Variants in SAMD12 observed in about 807,000 individuals in gnomAD.
SAMD12 encodes sterile alpha motif domain containing 12.
Under a neutral mutation model 15.0 loss-of-function variants are expected in SAMD12, and 9 were observed. That is an observed-to-expected ratio of 0.60 (90% confidence interval 0.36 to 1.05). The LOEUF (loss-of-function observed/expected upper bound fraction) is 1.05, where lower values mean the gene tolerates loss of function less well. Among genes scored for constraint, SAMD12 ranks in the 50% least tolerant of loss-of-function variants. SAMD12 has a pLI of 0.01. For synonymous variants in SAMD12, 86 were observed against 90.1 expected, an observed-to-expected ratio of 0.96 and a Z score of 0.25; for missense variants, 230 against 234.2, an observed-to-expected ratio of 0.98 and a Z score of 0.12.
chr8:118,238,074 G>A (rs1353917269), intron 4 of SAMD12, among the ~76,000 whole-genome samples: 7 of 152,002 alleles, frequency 4.6e-5, no homozygotes, highest in South Asian at 2.1e-4. Flanking sequence ...GAAAGCACAA[G>A]AGCTCTCTAA....
At chr8:118,252,596 C>T (rs897502009) in intron 4 of SAMD12, among the ~76,000 whole-genome samples, 4 of 152,060 alleles carry the variant, frequency 2.6e-5, no homozygotes, top group Non-Finnish European at 4.4e-5. Context: ...TCTCCTCTTG[C>T]TTTTCCCAGT....
chr8:118,291,068 A>G (rs1392170441), intron 4 of SAMD12: 1 of 152,244 alleles, frequency 6.6e-6, no homozygotes, highest in African/African-American at 2.4e-5. Flanking sequence ...TTATATTTCA[A>G]TTTAATTGTG....
chr8:118,548,423 A>ACC (rs1554583432), intron 2 of SAMD12, among the ~76,000 whole-genome samples: 31 of 125,360 alleles, frequency 2.5e-4, no homozygotes, highest in African/African-American at 6.2e-4. Context: ...ACACACACAC[A>ACC]CCCCATGTGA....
intron 2 of SAMD12, among the ~76,000 whole-genome samples, chr8:118,570,148 C>T (rs1040763679): frequency 6.6e-6 from 1 of 152,130 alleles, no homozygotes; most frequent in African/African-American, 2.4e-5. Flanking sequence ...AGAGCCACAC[C>T]ATCTGAAATC....
At chr8:118,439,655 G>A (rs1822673965) in intron 3 of SAMD12, among the ~76,000 whole-genome samples, 177 bp downstream of exon 3, 1 of 152,000 alleles carries the variant, frequency 6.6e-6, no homozygotes, top group Admixed American at 6.6e-5. Flanking sequence ...TAATAACCAT[G>A]TATGTTTGTT....
In SAMD12 at chr8:118,341,976, C is replaced by A. The variant is rs1014139130; in HGVS notation, c.433+37584G>T. On this transcript the variant is annotated intron_variant, in intron 4 of 4. Coordinates refer to the SAMD12 transcript ENST00000409003. Reference sequence around the variant, plus strand: ...CATTGTGTACTCTCTGCTTAAAGCACTAAACAAAATTCCTATGAAAAAGTT... The same window carrying A: ...CATTGTGTACTCTCTGCTTAAAGCAATAAACAAAATTCCTATGAAAAAGTT... Among the ~76,000 whole-genome samples the A allele has an allele frequency of 9.2e-5, 14 of 152,330 alleles. No individual in the cohort carries two copies. The East Asian group carries it at 2.3e-3, about 25-fold the overall frequency.
intron 2 of SAMD12, among the ~76,000 whole-genome samples, chr8:118,445,791 C>T (rs1234038941): frequency 6.6e-6 from 1 of 152,090 alleles, no homozygotes; most frequent in African/African-American, 2.4e-5. Flanking sequence ...AGTATAAGAG[C>T]CCCTAAAGAC....
At chr8:118,541,957 G>T (rs185776532) in intron 2 of SAMD12, among the ~76,000 whole-genome samples, 42 of 152,250 alleles carry the variant, frequency 2.8e-4, no homozygotes, top group Non-Finnish European at 1.0e-4. Context: ...GAGTAGCTGG[G>T]ATTACAGATG....
intron 1 of SAMD12, among the ~76,000 whole-genome samples, chr8:118,613,417 C>CA (rs1029188519): frequency 7.2e-5 from 11 of 151,990 alleles, no homozygotes; most frequent in African/African-American, 2.2e-4. Context: ...ATTCTTAGAA[C>CA]AAAAAAATCC....
the SAMD12 span, among the ~76,000 whole-genome samples, chr8:118,160,480 G>T: frequency 1.3e-5 from 2 of 152,104 alleles, no homozygotes; most frequent in African/African-American, 4.8e-5. Flanking sequence ...GTCATACTTA[G>T]GTTAATATAG....
At chr8:118,505,110 A>G (rs1359080103) in intron 2 of SAMD12, among the ~76,000 whole-genome samples, 1 of 152,254 alleles carries the variant, frequency 6.6e-6, no homozygotes, top group East Asian at 1.9e-4. Flanking sequence ...ATACAAAGGC[A>G]TACATGTGCT....
intron 2 of SAMD12, among the ~76,000 whole-genome samples, chr8:118,459,512 C>T (rs966578661): frequency 6.6e-6 from 1 of 152,176 alleles, no homozygotes; most frequent in African/African-American, 2.4e-5. Flanking sequence ...AAGGAATGGA[C>T]AGAAGGGTAG....
the SAMD12 span, among the ~76,000 whole-genome samples, chr8:118,176,284 C>G: frequency 2.6e-5 from 4 of 151,846 alleles, no homozygotes; most frequent in Non-Finnish European, 5.9e-5. Context: ...CTGGGAGACA[C>G]AGCAAAACTC....
intron 4 of SAMD12, among the ~76,000 whole-genome samples, chr8:118,203,654 C>G (rs1203719483): frequency 6.6e-6 from 1 of 151,592 alleles, no homozygotes; most frequent in Non-Finnish European, 1.5e-5. Context: ...CATATGTATA[C>G]ATGTGATATG....
intron 4 of SAMD12, among the ~76,000 whole-genome samples, chr8:118,320,679 G>GGT (rs1554631054): frequency 1.4e-5 from 2 of 146,318 alleles, no homozygotes; most frequent in African/African-American, 5.1e-5. Context: ...GGGTGGGGGG[G>GGT]GTGGGGAGGG....
chr8:118,242,543 T>A (rs1812597630), intron 4 of SAMD12, among the ~76,000 whole-genome samples: 1 of 152,172 alleles, frequency 6.6e-6, no homozygotes. Context: ...TCTTTTACTA[T>A]GCTAAACTTA....
At position 118,352,909 on chromosome 8, in the gene SAMD12, CT is replaced by C. The variant is rs150463686; in HGVS notation, c.433+26650del. 8.0e-3 allele frequency among the ~76,000 whole-genome samples: 1,211 copies of C among 152,078 alleles called. 18 individuals carry two copies. Among genetic ancestry groups the C allele is most frequent in the African/African-American group, 0.028 (1,155 of 41,476 alleles). On this transcript the variant is annotated intron_variant, in intron 4 of 4. Coordinates refer to the SAMD12 transcript ENST00000409003. ...ATACCTCTCTCTACTCAATATAGCCCTGCAGGTATATCAAAAAACAACAGAA... is the reference window on the plus strand; with the variant it reads ...ATACCTCTCTCTACTCAATATAGCCCGCAGGTATATCAAAAAACAACAGAA...
the SAMD12 span, among the ~76,000 whole-genome samples, chr8:118,172,188 G>A: frequency 3.3e-5 from 5 of 151,992 alleles, no homozygotes; most frequent in African/African-American, 7.3e-5. Flanking sequence ...ACACCAACAT[G>A]GCACATGTAT....
intron 2 of SAMD12, among the ~76,000 whole-genome samples, chr8:118,568,475 C>G (rs1826911169): frequency 6.6e-6 from 1 of 152,154 alleles, no homozygotes; most frequent in South Asian, 2.1e-4. Context: ...AGAAGAGGGA[C>G]ATGATCTGAC....
Sources: gnomAD v4.1 joint callset for allele counts (sites outside exome capture counted in the v4.1 genomes callset) on GRCh38, gnomAD v4.1.1 for gene constraint, MANE v1.5 for transcripts, NCBI Gene and HGNC (gene_info 2026-07-23, HGNC 2026-07-21) for gene names.